Variants in KAZN observed in about 807,000 individuals in gnomAD.
KAZN encodes the protein kazrin, periplakin interacting protein.
Under a neutral mutation model 87.4 loss-of-function variants are expected in KAZN, and 40 were observed. The ratio of observed to expected loss-of-function variants is 0.46; its 90% CI spans 0.36 to 0.60. The LOEUF (loss-of-function observed/expected upper bound fraction) is 0.60, where lower values mean the gene tolerates loss of function less well. Ranked by LOEUF, KAZN falls within the 20% of genes least tolerant of loss-of-function variation. The pLI, the probability that KAZN is intolerant of heterozygous loss-of-function variation, is 0.00. For missense variants in KAZN, 898 were observed against 1,073.9 expected, an observed-to-expected ratio of 0.84 and a Z score of 2.29; for synonymous variants, 466 against 458.3, an observed-to-expected ratio of 1.02 and a Z score of -0.22.
chr1:14,551,573 A>G (rs1261365534), intron 2 of KAZN, among the ~76,000 whole-genome samples: 1 of 152,176 alleles, frequency 6.6e-6, no homozygotes, highest in Non-Finnish European at 1.5e-5. Context: ...TCAACTGTGT[A>G]CTCATGTTAT....
At chr1:13,951,097 C>T (rs768602445) in intron 1 of KAZN, among the ~76,000 whole-genome samples, 6 of 152,054 alleles carry the variant, frequency 3.9e-5, no homozygotes, top group Non-Finnish European at 5.9e-5. Flanking sequence ...AATTTGCAGG[C>T]GATACCATTG....
At chr1:14,724,784 T>G (rs542982551) in intron 1 of KAZN, among the ~76,000 whole-genome samples, 3 of 152,272 alleles carry the variant, frequency 2.0e-5, no homozygotes, top group African/African-American at 7.2e-5. Context: ...GAATTGAGCC[T>G]CTATTTATAA....
At chr1:14,645,669 A>G (rs1680754762) in intron 1 of KAZN, among the ~76,000 whole-genome samples, 2 of 152,196 alleles carry the variant, frequency 1.3e-5, no homozygotes, top group Admixed American at 6.5e-5. Context: ...TGTTTTCTAG[A>G]TACAGAATCA....
At chr1:14,023,688 A>T (rs1640945112) in intron 1 of KAZN, among the ~76,000 whole-genome samples, 1 of 152,138 alleles carries the variant, frequency 6.6e-6, no homozygotes, top group African/African-American at 2.4e-5. Context: ...ACAAACAAAC[A>T]AAAAAACGGG....
intron 1 of KAZN, among the ~76,000 whole-genome samples, chr1:14,125,799 C>A (rs950910272): frequency 5.9e-5 from 9 of 152,200 alleles, no homozygotes; most frequent in Non-Finnish European, 1.0e-4. Flanking sequence ...CAACAAAGAT[C>A]AGGGCAGGTT....
In KAZN at chr1:14,800,257, C is replaced by T. The variant is rs140755324; in HGVS notation, c.227-160427C>T. ...GGTATACATCCACGAGAACTGAAAA[C>T]GTGTGTCCACACAAACACTCCTATG... On this transcript the variant is annotated intron_variant, in intron 1 of 14. Transcript: ENST00000376030. Among the ~76,000 whole-genome samples the T allele has an allele frequency of 1.1e-3, 170 of 152,306 alleles. 1 individual carries two copies. The highest frequency in any genetic ancestry group is 3.9e-3 in the African/African-American group (162 of 41,560).
chr1:14,912,066 C>T (rs1277409779), intron 1 of KAZN, among the ~76,000 whole-genome samples: 8 of 142,268 alleles, frequency 5.6e-5, no homozygotes, highest in African/African-American at 2.1e-4. Flanking sequence ...GCAGGAGAAT[C>T]ACTTGAACCT....
chr1:14,047,710 A>G (rs1281699944), intron 1 of KAZN, among the ~76,000 whole-genome samples: 4 of 152,092 alleles, frequency 2.6e-5, no homozygotes, highest in Non-Finnish European at 5.9e-5. Flanking sequence ...TCTACTAAAA[A>G]TACAAAAATT....
At chr1:14,955,589 G>A (rs775840322) in intron 1 of KAZN, among the ~76,000 whole-genome samples, 18 of 152,124 alleles carry the variant, frequency 1.2e-4, no homozygotes, top group Non-Finnish European at 1.9e-4. Context: ...TGCAGGTGCC[G>A]CACCTGGTGA....
chr1:14,804,684 A>G (rs184442065), intron 1 of KAZN, among the ~76,000 whole-genome samples: 1 of 152,370 alleles, frequency 6.6e-6, no homozygotes, highest in East Asian at 1.9e-4. Context: ...TAGGAGAGAC[A>G]CATCAGGCTC....
intron 2 of KAZN, among the ~76,000 whole-genome samples, chr1:14,541,960 C>T (rs1672838786): frequency 6.6e-6 from 1 of 152,148 alleles, no homozygotes; most frequent in Admixed American, 6.5e-5. Flanking sequence ...AGGGCAGAGG[C>T]CTGTTGAGGC....
chr1:14,467,214 A>G (rs1365211093), intron 2 of KAZN, among the ~76,000 whole-genome samples: 1 of 152,160 alleles, frequency 6.6e-6, no homozygotes, highest in Non-Finnish European at 1.5e-5. Context: ...TATTTGAAGC[A>G]AAGTTTCTGT....
chr1:14,609,875 C>T (rs1677679656), intron 1 of KAZN, among the ~76,000 whole-genome samples: 1 of 152,248 alleles, frequency 6.6e-6, no homozygotes, highest in Admixed American at 6.5e-5. Flanking sequence ...ATTGAACCAA[C>T]TTCCCCTCCC....
chr1:14,411,217 G>C (rs1485285558), intron 2 of KAZN, among the ~76,000 whole-genome samples: 1 of 152,156 alleles, frequency 6.6e-6, no homozygotes, highest in African/African-American at 2.4e-5. Context: ...GAAGACAATG[G>C]ATAATATCTT....
chr1:14,346,186 G>A (rs573518176), intron 2 of KAZN, among the ~76,000 whole-genome samples: 1 of 152,256 alleles, frequency 6.6e-6, no homozygotes, highest in East Asian at 1.9e-4. Flanking sequence ...TACTTCCTGT[G>A]TGGCTTGTTA....
intron 1 of KAZN, among the ~76,000 whole-genome samples, chr1:14,167,720 C>CA (rs892407863): frequency 2.8e-5 from 4 of 142,730 alleles, no homozygotes; most frequent in African/African-American, 1.1e-4. Context: ...GAAACTCTGT[C>CA]AAAAAAACAA....
chr1:14,118,050 G>C (rs192428396), intron 1 of KAZN, among the ~76,000 whole-genome samples: 1 of 152,120 alleles, frequency 6.6e-6, no homozygotes, highest in South Asian at 2.1e-4. Flanking sequence ...GCTTGAGACC[G>C]GGGCGTTGCA....
chr1:14,074,014 C>G (rs1217656613), intron 1 of KAZN, among the ~76,000 whole-genome samples: 6 of 152,136 alleles, frequency 3.9e-5, no homozygotes, highest in Non-Finnish European at 8.8e-5. Flanking sequence ...TTCTGCTGGT[C>G]CAGTCCGGCC....
Position 14,313,237 on chromosome 1 carries a change from G to A in KAZN, c.249+132645G>A, listed in dbSNP as rs77106955. Among the ~76,000 whole-genome samples the A allele has an allele frequency of 0.01, 1,545 of 152,114 alleles. 119 individuals carry two copies. In the East Asian group the frequency reaches 0.22, roughly 21 times the overall value. On this transcript the variant is annotated intron_variant, in intron 2 of 16. Transcript: ENST00000636203. ...CACACCTCTCCACCAGCCCCCCACCGAAAGGTTATCTCTTGACATCTAACA... is the reference window on the plus strand; with the variant it reads ...CACACCTCTCCACCAGCCCCCCACCAAAAGGTTATCTCTTGACATCTAACA...
Sources: gnomAD v4.1 joint callset for allele counts (sites outside exome capture counted in the v4.1 genomes callset) on GRCh38, gnomAD v4.1.1 for gene constraint, MANE v1.5 for transcripts, NCBI Gene and HGNC (gene_info 2026-07-23, HGNC 2026-07-21) for gene names.